Variants in DENND2A observed in about 807,000 individuals in gnomAD.
DENND2A encodes the protein DENN domain-containing protein 2A.
Under a neutral mutation model 105.3 loss-of-function variants are expected in DENND2A, and 53 were observed. The observed-to-expected ratio is 0.50, with a 90% CI of 0.40 to 0.63. The LOEUF is 0.63. Among genes scored for constraint, DENND2A ranks in the 30% least tolerant of loss-of-function variants. The pLI is 0.00. For synonymous variants in DENND2A, 522 were observed against 508.4 expected (o/e 1.03, Z -0.36); for missense variants, 1,138 against 1,279.6 (o/e 0.89, Z 1.69).
intron 1 of DENND2A, among the ~76,000 whole-genome samples, chr7:140,618,291 C>G (rs993105494): frequency 6.6e-6 from 1 of 152,142 alleles, no homozygotes; most frequent in Admixed American, 6.6e-5. Flanking sequence ...AGTACACTTC[C>G]TTTTGTTTCT....
chr7:140,552,468 G>A (rs1400662668), intron 12 of DENND2A, among the ~76,000 whole-genome samples: 4 of 150,640 alleles, frequency 2.7e-5, no homozygotes, highest in African/African-American at 4.9e-5. Context: ...AACATGACTC[G>A]CTGCAGCCTC....
At chr7:140,613,772 G>A (rs987714537) in intron 1 of DENND2A, among the ~76,000 whole-genome samples, 3 of 152,036 alleles carry the variant, frequency 2.0e-5, no homozygotes, top group African/African-American at 4.8e-5. Context: ...AACAGCTTAG[G>A]AACTGAGTCA....
In DENND2A at chr7:140,586,130, C is replaced by T. The variant is rs80102225; in HGVS notation, c.1124-420G>A. Among the ~76,000 whole-genome samples, 769 of 152,184 alleles carry T rather than the reference C, an allele frequency of 5.1e-3. 8 individuals are homozygous for T. The highest frequency in any genetic ancestry group is 0.017 in the African/African-American group (725 of 41,524). On this transcript the variant is annotated intron_variant, in intron 4 of 19. Transcript: ENST00000496613. ...ACTTGCAGGATACCAGCTCTTCTCTCCACCAAGAAGATATGGATTCCAGGA... is the reference window on the plus strand; with the variant it reads ...ACTTGCAGGATACCAGCTCTTCTCTTCACCAAGAAGATATGGATTCCAGGA...
Position 140,523,237 on chromosome 7 carries a change from C to T in DENND2A, c.2665+70G>A, listed in dbSNP as rs974756095. 6.8e-6 allele frequency: 10 copies of T among 1,471,246 alleles called. No individual in the cohort carries two copies. In the African/African-American group the frequency reaches 1.1e-4, roughly 16 times the overall value. 91.1% of individuals were successfully genotyped at this position (1,471,246 alleles called of 1,614,324 possible). A position where few individuals can be genotyped will look rare whatever the true frequency, so the allele number is the denominator to read the frequency against. ...CCCATATTCCTACTTGGCCCTTGGC[C>T]ACTGCCCATTTGTTCCCTGACCCTC... On this transcript the variant is annotated intron_variant, in intron 17 of 19. Transcript: ENST00000496613. This position sits in a 1 kb window ranked among gnomAD's most constrained non-coding sequence, Gnocchi z 4.5.
At chr7:140,611,382 T>TA in intron 1 of DENND2A, among the ~76,000 whole-genome samples, 2 of 151,780 alleles carry the variant, frequency 1.3e-5, no homozygotes, top group South Asian at 4.2e-4. Flanking sequence ...AAATAAAAAA[T>TA]AAAAAAATTG....
At chr7:140,564,057 C>T (rs1004153848) in intron 9 of DENND2A, among the ~76,000 whole-genome samples, 5 of 151,952 alleles carry the variant, frequency 3.3e-5, no homozygotes, top group South Asian at 2.1e-4. Context: ...CTGAAGTGGG[C>T]GGATCATTTG....
chr7:140,555,316 T>TTTAGTAGGGATG (rs1448619640), intron 12 of DENND2A, among the ~76,000 whole-genome samples: 2 of 151,870 alleles, frequency 1.3e-5, no homozygotes, highest in African/African-American at 2.4e-5. Context: ...TTTTTGTATT[T>TTTAGTAGGGATG]TTAGTAGGGA....
Position 140,559,848 on chromosome 7 carries a change from G to A in DENND2A, c.1780-31C>T, listed in dbSNP as rs1432968457. 6.6e-7 allele frequency: 1 copy of A among 1,526,124 alleles called. No individual in the cohort carries two copies. The highest frequency in any genetic ancestry group is 1.7e-5 in the Admixed American group (1 of 59,390). The allele number at this position is 1,526,124 out of a possible 1,614,324, so 94.5% of individuals were successfully genotyped here. On this transcript the variant is annotated intron_variant, in intron 9 of 19. Transcript: ENST00000496613. This position sits in a 1 kb window ranked among gnomAD's most constrained non-coding sequence, Gnocchi z 4.1. ...GGGAGAAAGGTGAGAGAAAATTCGA[G>A]AACAAATCTCAGCATGGGAAATTGA...
intron 1 of DENND2A, among the ~76,000 whole-genome samples, chr7:140,607,599 C>T (rs1471850573): frequency 6.6e-6 from 1 of 152,162 alleles, no homozygotes; most frequent in African/African-American, 2.4e-5. Context: ...GCAGGGTAGC[C>T]CTGAAAGGCC....
intron 3 of DENND2A, among the ~76,000 whole-genome samples, chr7:140,592,195 AC>A (rs1799083840): frequency 6.9e-6 from 1 of 144,026 alleles, no homozygotes; most frequent in African/African-American, 2.6e-5. Context: ...GCCTGCCACC[AC>A]ATCTGGCTAA....
At chr7:140,639,143 G>A (rs1563194594) in intron 1 of DENND2A, among the ~76,000 whole-genome samples, 1 of 152,110 alleles carries the variant, frequency 6.6e-6, no homozygotes, top group Non-Finnish European at 1.5e-5. Context: ...CCTGGGGTCA[G>A]CAGTTCAAGA....
intron 1 of DENND2A, among the ~76,000 whole-genome samples, chr7:140,616,748 GCATAGT>G (rs2130712905): frequency 6.6e-6 from 1 of 152,306 alleles, no homozygotes; most frequent in South Asian, 2.1e-4. Context: ...GAGTTCACAG[GCATAGT>G]AATAAGAGTT....
At chr7:140,568,331 C>A (rs1333184910) in intron 8 of DENND2A, among the ~76,000 whole-genome samples, 1 of 152,178 alleles carries the variant, frequency 6.6e-6, no homozygotes, top group African/African-American at 2.4e-5. Context: ...ATTTTAGACC[C>A]ATAGGGACCA....
chr7:140,534,102 T>TTTTTTTTTTTTTTTTGTTG, intron 14 of DENND2A, among the ~76,000 whole-genome samples: 1 of 132,384 alleles, frequency 7.6e-6, no homozygotes, highest in South Asian at 2.3e-4. Context: ...TTTTTTTTTT[T>TTTTTTTTTTTTTTTTGTTG]GAGATGGAGT....
chr7:140,625,015 G>T (rs375436292), intron 1 of DENND2A, among the ~76,000 whole-genome samples: 1 of 147,006 alleles, frequency 6.8e-6, no homozygotes, highest in African/African-American at 2.5e-5. Context: ...GCACCACCAC[G>T]CCCAGCCTGG....
chr7:140,591,869 T>C (rs1413130216), intron 3 of DENND2A, among the ~76,000 whole-genome samples: 1 of 118,676 alleles, frequency 8.4e-6, no homozygotes, highest in African/African-American at 3.7e-5. Context: ...CCCTTCCCTT[T>C]CCTTCCTTCC....
intron 14 of DENND2A, among the ~76,000 whole-genome samples, chr7:140,536,100 C>T (rs1796446830): frequency 6.6e-6 from 1 of 152,186 alleles, no homozygotes; most frequent in Non-Finnish European, 1.5e-5. Flanking sequence ...CGCCTATAAT[C>T]CCAACATTGT....
At chr7:140,521,687 A>AGG (rs1181385626) in intron 18 of DENND2A, among the ~76,000 whole-genome samples, 168 bp downstream of exon 18, 2 of 152,198 alleles carry the variant, frequency 1.3e-5, no homozygotes, top group Non-Finnish European at 2.9e-5. Flanking sequence ...AAGCCAGGAG[A>AGG]GGGGGCCTTC....
chr7:140,534,847 A>G (rs1485233423), intron 14 of DENND2A, among the ~76,000 whole-genome samples: 1 of 152,206 alleles, frequency 6.6e-6, no homozygotes, highest in Non-Finnish European at 1.5e-5. Flanking sequence ...ATTGTACAAA[A>G]GTGGGGCAGG....
Sources: gnomAD v4.1 joint callset for allele counts (sites outside exome capture counted in the v4.1 genomes callset) on GRCh38, gnomAD v4.1.1 for gene constraint, Gnocchi (gnomAD v3.1) non-coding constraint, MANE v1.5 for transcripts, NCBI Gene and HGNC (gene_info 2026-07-23, HGNC 2026-07-21) for gene names.